The following SLC25A35 variants were observed in gnomAD, a reference collection of about 807,000 sequenced individuals.
SLC25A35 encodes solute carrier family 25, member 35.
In SLC25A35, 32 loss-of-function variants were observed where a neutral mutation model predicts 30.5. The ratio of observed to expected loss-of-function variants is 1.05; its 90% CI spans 0.79 to 1.41. The LOEUF is 1.41. SLC25A35 is among the 40% of genes most tolerant of loss of function. The probability of loss-of-function intolerance (pLI) is 0.00; values close to 1 mark genes in which losing one functional copy is unlikely to be tolerated. For synonymous variants in SLC25A35, 142 were observed against 158.1 expected (o/e 0.90, Z 0.77); for missense variants, 369 against 388.0 (o/e 0.95, Z 0.41).
chr17:8,289,429 G>T, downstream of SLC25A35: 1 of 1,614,046 alleles, frequency 6.2e-7, no homozygotes, highest in Non-Finnish European at 8.5e-7. Flanking sequence ...GGGCCCGAGA[G>T]TGTGTAATGT....
downstream of SLC25A35, chr17:8,289,662 G>C (rs765439206): frequency 6.2e-7 from 1 of 1,606,442 alleles, no homozygotes; most frequent in South Asian, 1.1e-5. Context: ...GACAGAACAG[G>C]GAGACTCACT....
At chr17:8,289,438 G>A (rs1990303581), downstream of SLC25A35, 1 of 1,613,956 alleles carries the variant, frequency 6.2e-7, no homozygotes, top group South Asian at 1.1e-5. Flanking sequence ...AGTGTGTAAT[G>A]TCCTGGAAGG....
chr17:8,291,441 C>T lies in SLC25A35; in HGVS notation c.486G>A (p.Leu162=). 6.2e-7 allele frequency: 1 copy of T among 1,614,218 alleles called. No individual in the cohort carries two copies. ...CCAGAGCCCCACGCCATAACCCCAC[C>T]AGACCATGTTTCTGGCCAATCTCGG... ...ALTEIGQKHG[L]VGLWRGALGG... Residue 162 remains leucine, a synonymous_variant, in exon 3 of 5, where the codon CTG becomes CTA. Coordinates refer to ENST00000577745, the MANE Select transcript of SLC25A35 (RefSeq NM_001320870.2).
rs573442352 is a variant in SLC25A35, at chr17:8,290,071, A to G, written c.*434T>C. 5.5e-5 allele frequency: 85 copies of G among 1,550,974 alleles called. No homozygotes were observed. The East Asian group carries it at 1.9e-3, about 34-fold the overall frequency. ...ATAAGACAATCCCTCTTCAGAATAA[A>G]CTTGCTTTATAATCAATATAATCTC... On this transcript the variant is annotated 3_prime_UTR_variant, in exon 5 of 5. Transcript: ENST00000577745.
chr17:8,289,054 G>C (rs750625803), downstream of SLC25A35: 19 of 1,613,746 alleles, frequency 1.2e-5, no homozygotes, highest in Non-Finnish European at 1.6e-5. Flanking sequence ...GCCCACGTAC[G>C]GGGCGAAGCG....
In SLC25A35 at chr17:8,295,382, C is replaced by T. The variant is rs1047839049; in HGVS notation, c.-575G>A. ...CCCCGGGTAGCCTGCGGAGGCCGGGCCGCCACACTCCTGCCACTGGAGCGC... is the reference window on the plus strand; with the variant it reads ...CCCCGGGTAGCCTGCGGAGGCCGGGTCGCCACACTCCTGCCACTGGAGCGC... On this transcript the variant is annotated 5_prime_UTR_variant, in exon 1 of 5. Transcript: ENST00000577745. 21 of 984,720 alleles carry T rather than the reference C, an allele frequency of 2.1e-5. No individual in the cohort carries two copies. Among genetic ancestry groups the T allele is most frequent in the Non-Finnish European group, 2.4e-5 (20 of 829,266 alleles). 61.0% of individuals were successfully genotyped at this position (984,720 alleles called of 1,614,324 possible). A position where few individuals can be genotyped will look rare whatever the true frequency, so the allele number is the denominator to read the frequency against.
At chr17:8,289,763 A>G (rs1990335252), downstream of SLC25A35, 3 of 1,613,714 alleles carry the variant, frequency 1.9e-6, no homozygotes, top group African/African-American at 2.7e-5. Flanking sequence ...GCAATTTCCA[A>G]ACCTCAGGCC....
At chr17:8,293,761 C>T (rs1265342292) in intron 1 of SLC25A35, among the ~76,000 whole-genome samples, 1 of 150,180 alleles carries the variant, frequency 6.7e-6, no homozygotes, top group Non-Finnish European at 1.5e-5. Context: ...CCGTGTTAGC[C>T]AGGATGGTCT....
At position 8,294,595 on chromosome 17, in the gene SLC25A35, C is replaced by G; in HGVS notation, c.213G>C (p.Leu71Phe). 1 of 1,614,184 alleles carries G rather than the reference C, an allele frequency of 6.2e-7. No homozygotes were observed. Among genetic ancestry groups the G allele is most frequent in the Non-Finnish European group, 8.5e-7 (1 of 1,180,042 alleles). ...ALQKGLAPAL[L>F]YQFLMNGIRL... is the part of the protein sequence containing the mutation. The stretch of plus-strand genomic sequence containing the variant: ...GGATGCCATTCATCAGGAACTGGTA[C>G]AAGAGGGCGGGGGCCAGGCCTTTCT... Residue 71 changes from leucine (L) to phenylalanine (F), a missense_variant, in exon 1 of 5, where the codon TTG (leucine) becomes TTC (phenylalanine). Coordinates refer to ENST00000577745, the MANE Select transcript of SLC25A35 (RefSeq NM_001320870.2).
chr17:8,291,192 G>C, intron 3 of SLC25A35, 141 bp downstream of exon 3: 1 of 1,339,900 alleles, frequency 7.5e-7, no homozygotes, highest in African/African-American at 1.5e-5. Context: ...ACTGTGGGAA[G>C]GGTCTAAAGA....
Position 8,290,325 on chromosome 17 carries a change from C to T in SLC25A35, c.*180G>A. On this transcript the variant is annotated 3_prime_UTR_variant, in exon 5 of 5. Coordinates refer to ENST00000577745, the MANE Select transcript of SLC25A35 (RefSeq NM_001320870.2). ...GGTAGGGAAGGTTTAAAGCAACACC[C>T]AAGGAAAGAAGGGAAACTCATCTCT... The T allele has an allele frequency of 7.0e-7, 1 of 1,432,920 alleles. No homozygotes were observed. Among genetic ancestry groups the T allele is most frequent in the South Asian group, 1.5e-5 (1 of 66,182 alleles). 88.8% of individuals were successfully genotyped at this position (1,432,920 alleles called of 1,614,324 possible). A position where few individuals can be genotyped will look rare whatever the true frequency, so the allele number is the denominator to read the frequency against.
intron 2 of SLC25A35, 45 bp downstream of exon 2, chr17:8,292,478 A>C: frequency 1.9e-6 from 3 of 1,584,676 alleles, no homozygotes; most frequent in Non-Finnish European, 2.6e-6. Context: ...CTAGGGGAAA[A>C]GAGAAAGGAT....
chr17:8,288,963 C>A (rs755018574), downstream of SLC25A35: 3 of 1,614,152 alleles, frequency 1.9e-6, no homozygotes, highest in Non-Finnish European at 8.5e-7. Flanking sequence ...CAGCGACCTC[C>A]GACCGGTCCC....
chr17:8,288,847 T>TG (rs767541224), downstream of SLC25A35: 4 of 1,614,088 alleles, frequency 2.5e-6, no homozygotes, highest in East Asian at 8.9e-5. Flanking sequence ...ATCCTCCCCA[T>TG]GGGGGCCATT....
intron 2 of SLC25A35, 38 bp downstream of exon 2, chr17:8,292,485 G>A: frequency 6.3e-7 from 1 of 1,599,248 alleles, no homozygotes; most frequent in South Asian, 1.1e-5. Context: ...AAAAGAGAAA[G>A]GATGGTCAGG....
At position 8,291,406 on chromosome 17, in the gene SLC25A35, G is replaced by T. The variant is rs754422352; in HGVS notation, c.521C>A (p.Pro174His). The change falls in exon 3 of 5, where the codon CCC becomes CAC. Residue 174 changes from proline (P) to histidine (H), a missense_variant. Transcript: ENST00000577745. The part of the protein sequence containing the change: ...GLWRGALGGL[P>H]RVIVGSSTQL... ...GGTGGAGGAACCGACGATAACTCGG[G>T]GCAGGCCGCCCAGAGCCCCACGCCA... The T allele has an allele frequency of 3.1e-6, 5 of 1,614,170 alleles. No homozygotes were observed. In the East Asian group the frequency reaches 1.1e-4, roughly 36 times the overall value.
At position 8,292,516 on chromosome 17, in the gene SLC25A35, CCCTCA is replaced by C; in HGVS notation, c.441+2_441+6del. The C allele has an allele frequency of 6.2e-7, 1 of 1,613,874 alleles. No individual in the cohort carries two copies. On this transcript the variant is annotated splice_donor_variant and splice_donor_5th_base_variant and intron_variant, in intron 2 of 4. Coordinates refer to ENST00000577745, the MANE Select transcript of SLC25A35 (RefSeq NM_001320870.2). LOFTEE classifies it high-confidence loss of function. ...TCAGGGACTTTGGCAGACTTGGGAACCCTCACCTGATGCTTATACTGGTGCCCTAC... is the reference window on the plus strand; with the variant it reads ...TCAGGGACTTTGGCAGACTTGGGAACCCTGATGCTTATACTGGTGCCCTAC...
At chr17:8,291,648 C>T (rs946801759) in intron 2 of SLC25A35, among the ~76,000 whole-genome samples, 163 bp from the exon 3 acceptor site, 2 of 152,210 alleles carry the variant, frequency 1.3e-5, no homozygotes, top group African/African-American at 4.8e-5. Context: ...CTAGCCACCC[C>T]ATTGTTCCTT....
At chr17:8,294,313 G>T in intron 1 of SLC25A35, 120 bp downstream of exon 1, 1 of 1,095,506 alleles carries the variant, frequency 9.1e-7, no homozygotes, top group Non-Finnish European at 1.3e-6. Context: ...GCACTTTCCT[G>T]ATGCCTTTCC....
Sources: allele counts gnomAD v4.1 joint callset (sites outside exome capture counted in the v4.1 genomes callset), GRCh38; gene constraint gnomAD v4.1.1; transcripts MANE v1.5; gene names NCBI Gene and HGNC (gene_info 2026-07-23, HGNC 2026-07-21).